The following EIPR1 variants were observed in gnomAD, a reference collection of about 807,000 sequenced individuals.
EIPR1 encodes EARP and GARP complex-interacting protein 1.
EIPR1 carries 25 observed loss-of-function variants against 48.1 expected under a neutral mutation model. That is an observed-to-expected ratio of 0.52 (90% confidence interval 0.38 to 0.73). The LOEUF is 0.73. Ranked by LOEUF, EIPR1 falls within the 30% of genes least tolerant of loss-of-function variation. The pLI is 0.00. For synonymous variants in EIPR1, 204 were observed against 201.9 expected, an observed-to-expected ratio of 1.01 and a Z score of -0.09; for missense variants, 415 against 506.2, an observed-to-expected ratio of 0.82 and a Z score of 1.73.
chr2:3,204,450 A>G (rs992403821), intron 5 of EIPR1, among the ~76,000 whole-genome samples: 1 of 152,172 alleles, frequency 6.6e-6, no homozygotes, highest in South Asian at 2.1e-4. Context: ...ATCAATCACA[A>G]TTTTTGGTTT....
intron 3 of EIPR1, chr2:3,301,477 C>T (rs1668760584): frequency 6.6e-6 from 1 of 152,146 alleles, no homozygotes; most frequent in South Asian, 2.1e-4. Context: ...GGACAGCCAT[C>T]TGAACACTGA....
intron 3 of EIPR1, among the ~76,000 whole-genome samples, chr2:3,317,414 A>G (rs1471592425): frequency 4.2e-5 from 4 of 96,140 alleles, no homozygotes; most frequent in African/African-American, 4.0e-5. Context: ...CCTCGCACGC[A>G]GGGTGGAGCA....
At position 3,373,763 on chromosome 2, in the gene EIPR1, T is replaced by C. The variant is rs185247771; in HGVS notation, c.42+3885A>G. Among the ~76,000 whole-genome samples the C allele has an allele frequency of 1.2e-3, 186 of 151,904 alleles. 3 individuals are homozygous for C. The East Asian group carries it at 0.033, about 27-fold the overall frequency. On this transcript the variant is annotated intron_variant, in intron 1 of 8. Coordinates refer to ENST00000382125, the MANE Select transcript of EIPR1 (RefSeq NM_003310.5). ...CAAATGGAAGAACATTCCATGCTCATGGGTAGGAAGAATCAATATCGTGAA... is the reference window on the plus strand; with the variant it reads ...CAAATGGAAGAACATTCCATGCTCACGGGTAGGAAGAATCAATATCGTGAA...
chr2:3,296,323 C>T (rs1230475905), intron 3 of EIPR1, among the ~76,000 whole-genome samples: 1 of 143,748 alleles, frequency 7.0e-6, no homozygotes, highest in East Asian at 2.2e-4. Flanking sequence ...TACACACACA[C>T]ACCCTCCATC....
chr2:3,339,936 C>G (rs1269540793), intron 2 of EIPR1, among the ~76,000 whole-genome samples: 1 of 152,206 alleles, frequency 6.6e-6, no homozygotes, highest in Non-Finnish European at 1.5e-5. Flanking sequence ...GGCGACAGAG[C>G]GAGACTCCGT....
chr2:3,233,585 AG>A (rs1666309456), intron 4 of EIPR1, among the ~76,000 whole-genome samples: 1 of 152,194 alleles, frequency 6.6e-6, no homozygotes, highest in Non-Finnish European at 1.5e-5. Flanking sequence ...CCAACCTCAC[AG>A]GGTATGTCTT....
intron 4 of EIPR1, among the ~76,000 whole-genome samples, chr2:3,235,390 T>C (rs1437183023): frequency 6.6e-6 from 1 of 151,900 alleles, no homozygotes; most frequent in African/African-American, 2.4e-5. Context: ...AAGGTTTCCT[T>C]TAGAAACACA....
chr2:3,199,241 T>G (rs1664927175), intron 5 of EIPR1, among the ~76,000 whole-genome samples: 1 of 152,152 alleles, frequency 6.6e-6, no homozygotes, highest in African/African-American at 2.4e-5. Context: ...CCCTGAAAAT[T>G]GCTGTTATCC....
chr2:3,312,902 A>G lies in EIPR1; in HGVS notation c.259+25115T>C, dbSNP rs1669172212. ...AGGGTCACCAGATTGAGAAATAAAA[A>G]CTTGGCACAGGACTGACTGACACTG... On this transcript the variant is annotated intron_variant, in intron 3 of 8. Coordinates refer to ENST00000382125, the MANE Select transcript of EIPR1 (RefSeq NM_003310.5). The surrounding 1 kb of genome is among the most constrained non-coding windows in gnomAD (Gnocchi z 5.5). 6.6e-6 allele frequency among the ~76,000 whole-genome samples: 1 copy of G among 152,204 alleles called. No individual in the cohort carries two copies. The highest frequency in any genetic ancestry group is 1.5e-5 in the Non-Finnish European group (1 of 68,038).
chr2:3,195,673 T>C (rs1664779717), intron 6 of EIPR1, among the ~76,000 whole-genome samples: 1 of 151,948 alleles, frequency 6.6e-6, no homozygotes, highest in Non-Finnish European at 1.5e-5. Context: ...TAACTAAAGG[T>C]TACTGCATGC....
intron 4 of EIPR1, among the ~76,000 whole-genome samples, chr2:3,223,296 C>A (rs561348480): frequency 6.6e-6 from 1 of 152,132 alleles, no homozygotes; most frequent in Non-Finnish European, 1.5e-5. Context: ...AGCCTGCACT[C>A]CCCCCACACA....
At chr2:3,246,265 A>T (rs112540731) in intron 4 of EIPR1, among the ~76,000 whole-genome samples, 34 of 151,986 alleles carry the variant, frequency 2.2e-4, no homozygotes, top group Non-Finnish European at 4.1e-4. Context: ...CTATCAGTTC[A>T]CTCCTCTTTG....
rs951884342 is a variant in EIPR1 at position 3,312,279 on chromosome 2, C to T, written c.259+25738G>A. ...TCCGGGTGTGCTCTGACGTTTTACC[C>T]GCCATCCCACTGACCACAGCTTGGT... On this transcript the variant is annotated intron_variant, in intron 3 of 8. Coordinates refer to ENST00000382125, the MANE Select transcript of EIPR1 (RefSeq NM_003310.5). The surrounding 1 kb of genome is among the most constrained non-coding windows in gnomAD (Gnocchi z 5.5). 3.9e-5 allele frequency among the ~76,000 whole-genome samples: 6 copies of T among 152,154 alleles called. No individual in the cohort carries two copies. Among genetic ancestry groups the T allele is most frequent in the Admixed American group, 6.5e-5 (1 of 15,286 alleles).
chr2:3,285,479 T>C (rs1668155120), intron 3 of EIPR1, among the ~76,000 whole-genome samples: 1 of 152,152 alleles, frequency 6.6e-6, no homozygotes, highest in South Asian at 2.1e-4. Context: ...GACTGAGCAC[T>C]TCTAGCTTCA....
Position 3,189,302 on chromosome 2 carries a change from T to A in EIPR1, c.*32A>T. 1 of 1,523,516 alleles carries A rather than the reference T, an allele frequency of 6.6e-7. No individual in the cohort carries two copies. The highest frequency in any genetic ancestry group is 8.9e-7 in the Non-Finnish European group (1 of 1,125,124). The allele number at this position is 1,523,516 out of a possible 1,614,324, so 94.4% of individuals were successfully genotyped here. A position where few individuals can be genotyped will look rare whatever the true frequency, so the allele number is the denominator to read the frequency against. ...GAGAATCTGCCAAGAGGAAAACCAC[T>A]CAATGGGACCTGGATAACCCAGGCC... On this transcript the variant is annotated 3_prime_UTR_variant, in exon 9 of 9. Coordinates refer to ENST00000382125, the MANE Select transcript of EIPR1 (RefSeq NM_003310.5). This position sits in a 1 kb window ranked among gnomAD's most constrained non-coding sequence, Gnocchi z 4.6.
intron 3 of EIPR1, among the ~76,000 whole-genome samples, chr2:3,269,091 T>G (rs960990555): frequency 5.3e-5 from 8 of 152,170 alleles, no homozygotes; most frequent in Non-Finnish European, 1.2e-4. Context: ...GGCTTCCCCA[T>G]CTACTCCATC....
At chr2:3,308,525 C>T (rs998308540) in intron 3 of EIPR1, among the ~76,000 whole-genome samples, 1 of 152,084 alleles carries the variant, frequency 6.6e-6, no homozygotes, top group African/African-American at 2.4e-5. Context: ...AAATGAACAG[C>T]CTCAGGAATG....
intron 3 of EIPR1, among the ~76,000 whole-genome samples, chr2:3,281,018 G>A (rs1216749338): frequency 4.6e-5 from 7 of 151,974 alleles, no homozygotes; most frequent in African/African-American, 7.3e-5. Flanking sequence ...TGTCTCCTAC[G>A]TGGTCCTCTA....
chr2:3,199,745 G>A (rs1014181338), intron 5 of EIPR1, among the ~76,000 whole-genome samples: 15 of 103,216 alleles, frequency 1.5e-4, no homozygotes, highest in Non-Finnish European at 2.5e-4. Context: ...CACGCATGGG[G>A]AGGGGTGTGT....
Sources: gnomAD v4.1 joint callset for allele counts (sites outside exome capture counted in the v4.1 genomes callset) on GRCh38, gnomAD v4.1.1 for gene constraint, Gnocchi (gnomAD v3.1) non-coding constraint, MANE v1.5 for transcripts, NCBI Gene and HGNC (gene_info 2026-07-23, HGNC 2026-07-21) for gene names.